DYNC1I1: variants seen among roughly 807,000 people sequenced by gnomAD.
DYNC1I1 encodes cytoplasmic dynein 1 intermediate chain 1.
A neutral mutation model predicts 86.6 loss-of-function variants in DYNC1I1; 43 were observed. The observed-to-expected ratio is 0.50, with a 90% CI of 0.39 to 0.64. The LOEUF (loss-of-function observed/expected upper bound fraction) is 0.64, where lower values mean the gene tolerates loss of function less well. Among genes scored for constraint, DYNC1I1 ranks in the 30% least tolerant of loss-of-function variants. The pLI is 0.00. For missense variants in DYNC1I1, 604 were observed against 788.8 expected (o/e 0.77, Z 2.81); for synonymous variants, 262 against 283.7 (o/e 0.92, Z 0.77).
intron 16 of DYNC1I1, among the ~76,000 whole-genome samples, chr7:96,107,035 T>G (rs1791225407): frequency 6.9e-6 from 1 of 145,932 alleles, no homozygotes; most frequent in Admixed American, 6.8e-5. Flanking sequence ...CATTCATACT[T>G]TTTTTTTTTT....
chr7:95,999,146 G>A (rs1344952289), intron 10 of DYNC1I1, among the ~76,000 whole-genome samples: 1 of 152,162 alleles, frequency 6.6e-6, no homozygotes, highest in Non-Finnish European at 1.5e-5. Context: ...TGCTCCTGCT[G>A]TCTTCTGTAG....
chr7:96,067,424 T>C (rs1156714778), intron 14 of DYNC1I1, among the ~76,000 whole-genome samples: 1 of 151,484 alleles, frequency 6.6e-6, no homozygotes, highest in Non-Finnish European at 1.5e-5. Flanking sequence ...GTGCCAGTCA[T>C]CAAATTCTTT....
chr7:95,861,779 C>T (rs537000101), intron 5 of DYNC1I1, among the ~76,000 whole-genome samples: 101 of 152,228 alleles, frequency 6.6e-4, no homozygotes, highest in Middle Eastern at 6.8e-3. Flanking sequence ...GGAAGTCATG[C>T]GAAGGTGTTC....
chr7:95,960,493 T>A (rs548298407), intron 6 of DYNC1I1, among the ~76,000 whole-genome samples: 4 of 152,306 alleles, frequency 2.6e-5, no homozygotes, highest in Admixed American at 1.3e-4. Context: ...GACCTACCAG[T>A]GTAGGAAGGC....
At chr7:96,101,014 G>A (rs563232650), downstream of DYNC1I1, among the ~76,000 whole-genome samples, 1 of 152,186 alleles carries the variant, frequency 6.6e-6, no homozygotes, top group Admixed American at 6.5e-5. Context: ...GGTCAGGGCT[G>A]ATGGTAGGAG....
intron 6 of DYNC1I1, among the ~76,000 whole-genome samples, chr7:95,897,528 A>C (rs946523281): frequency 6.6e-6 from 1 of 152,130 alleles, no homozygotes; most frequent in East Asian, 1.9e-4. Flanking sequence ...AGCCTATTCA[A>C]TAGGAGGCCT....
At chr7:96,060,552 G>T (rs1789734293) in intron 14 of DYNC1I1, among the ~76,000 whole-genome samples, 1 of 152,108 alleles carries the variant, frequency 6.6e-6, no homozygotes, top group Admixed American at 6.5e-5. Context: ...TATAATGGTG[G>T]ATATATGTCA....
intron 6 of DYNC1I1, among the ~76,000 whole-genome samples, chr7:95,904,375 A>G (rs547939560): frequency 9.2e-5 from 14 of 152,178 alleles, no homozygotes; most frequent in Non-Finnish European, 1.8e-4. Flanking sequence ...CTAGTAAGCC[A>G]TAAGTGATAT....
At chr7:95,944,057 G>C (rs1023598069) in intron 6 of DYNC1I1, among the ~76,000 whole-genome samples, 1 of 152,060 alleles carries the variant, frequency 6.6e-6, no homozygotes, top group Non-Finnish European at 1.5e-5. Context: ...TCCTGCACAG[G>C]AAAAGAAAGT....
intron 6 of DYNC1I1, among the ~76,000 whole-genome samples, chr7:95,936,298 G>A (rs1164389752): frequency 6.6e-6 from 1 of 151,966 alleles, no homozygotes; most frequent in Non-Finnish European, 1.5e-5. Flanking sequence ...ATGTCAAAAC[G>A]ATAGCTGAGT....
At chr7:95,866,473 C>T (rs1790021361) in intron 5 of DYNC1I1, among the ~76,000 whole-genome samples, 1 of 152,168 alleles carries the variant, frequency 6.6e-6, no homozygotes, top group African/African-American at 2.4e-5. Context: ...TTGCATAGAG[C>T]CAAAGCCCAA....
chr7:95,960,671 T>C (rs1310306449), intron 6 of DYNC1I1, among the ~76,000 whole-genome samples: 1 of 152,198 alleles, frequency 6.6e-6, no homozygotes, highest in East Asian at 1.9e-4. Context: ...TTTCACTCGG[T>C]TGGCCTCACA....
chr7:96,012,997 A>AAAG (rs1278076482), intron 10 of DYNC1I1, among the ~76,000 whole-genome samples: 1 of 152,024 alleles, frequency 6.6e-6, no homozygotes, highest in African/African-American at 2.4e-5. Flanking sequence ...GTGAGGGATA[A>AAAG]AAGACTACAA....
intron 6 of DYNC1I1, among the ~76,000 whole-genome samples, chr7:95,936,457 C>G (rs1356492617): frequency 6.6e-6 from 1 of 151,770 alleles, no homozygotes; most frequent in Non-Finnish European, 1.5e-5. Flanking sequence ...TTTATAGAAA[C>G]CACCACAGAA....
intron 14 of DYNC1I1, among the ~76,000 whole-genome samples, chr7:96,049,488 A>G (rs1173263458): frequency 6.6e-6 from 1 of 152,116 alleles, no homozygotes; most frequent in Non-Finnish European, 1.5e-5. Context: ...GACAATAATG[A>G]TTACCTTCAT....
chr7:96,016,010 T>C (rs2237590), intron 10 of DYNC1I1, among the ~76,000 whole-genome samples: 44,179 of 152,030 alleles, frequency 0.29, 6,592 homozygotes, highest in Middle Eastern at 0.37. Context: ...GACATAAGCA[T>C]ATCTAAGTCA....
chr7:96,082,266 A>G (rs945075662), intron 16 of DYNC1I1, among the ~76,000 whole-genome samples: 1 of 147,378 alleles, frequency 6.8e-6, no homozygotes, highest in African/African-American at 2.6e-5. Flanking sequence ...AATAAAAAAG[A>G]GCAAAGGAGA....
intron 10 of DYNC1I1, among the ~76,000 whole-genome samples, chr7:95,997,568 T>C (rs1562967164): frequency 6.8e-6 from 1 of 146,298 alleles, no homozygotes; most frequent in Admixed American, 7.0e-5. Flanking sequence ...CTAGTATTAA[T>C]TGAAAAGGGC....
intron 2 of DYNC1I1, among the ~76,000 whole-genome samples, chr7:95,809,439 C>T (rs1266956198): frequency 6.6e-6 from 1 of 152,152 alleles, no homozygotes; most frequent in African/African-American, 2.4e-5. Flanking sequence ...GACAGCCTCA[C>T]TTCTGTAAGC....
Sources: gnomAD v4.1 joint callset for allele counts (sites outside exome capture counted in the v4.1 genomes callset) on GRCh38, gnomAD v4.1.1 for gene constraint, MANE v1.5 for transcripts, NCBI Gene and HGNC (gene_info 2026-07-23, HGNC 2026-07-21) for gene names.